Variants in EFNA5 observed in about 807,000 individuals in gnomAD.
EFNA5 encodes ephrin A5.
EFNA5 carries 5 observed loss-of-function variants against 22.9 expected under a neutral mutation model. The observed-to-expected ratio is 0.22, with a 90% CI of 0.11 to 0.46. EFNA5 has a LOEUF of 0.46. Among genes scored for constraint, EFNA5 ranks in the 20% least tolerant of loss-of-function variants. The probability of loss-of-function intolerance (pLI) is 0.99; values close to 1 mark genes in which losing one functional copy is unlikely to be tolerated. For missense variants in EFNA5, 237 were observed against 293.3 expected (o/e 0.81, Z 1.40); for synonymous variants, 113 against 112.2 (o/e 1.01, Z -0.04).
At chr5:107,609,915 T>A (rs965319252) in intron 1 of EFNA5, among the ~76,000 whole-genome samples, 2 of 152,174 alleles carry the variant, frequency 1.3e-5, no homozygotes, top group Non-Finnish European at 2.9e-5. Flanking sequence ...AGAGTCTGAA[T>A]CAGTGAAAAA....
intron 1 of EFNA5, among the ~76,000 whole-genome samples, chr5:107,643,691 G>C (rs965573690): frequency 1.3e-5 from 2 of 151,658 alleles, no homozygotes; most frequent in Admixed American, 1.3e-4. Context: ...GGGAGTGAAT[G>C]GGGGAGTGGG....
intron 2 of EFNA5, among the ~76,000 whole-genome samples, chr5:107,398,347 G>C (rs992505957): frequency 4.6e-5 from 7 of 152,034 alleles, no homozygotes; most frequent in Admixed American, 4.6e-4. Context: ...ATCTGTTTCT[G>C]TCTCCTTACT....
chr5:107,540,831 AT>A (rs1446985357), intron 1 of EFNA5, among the ~76,000 whole-genome samples: 1 of 152,232 alleles, frequency 6.6e-6, no homozygotes, highest in Non-Finnish European at 1.5e-5. Flanking sequence ...AAGAAAAAAA[AT>A]TAAGGCTGGG....
intron 1 of EFNA5, among the ~76,000 whole-genome samples, chr5:107,631,439 C>T (rs1156386247): frequency 6.6e-6 from 1 of 151,712 alleles, no homozygotes; most frequent in Non-Finnish European, 1.5e-5. Flanking sequence ...ACACAATATA[C>T]AAATTTTGCC....
intron 1 of EFNA5, among the ~76,000 whole-genome samples, chr5:107,570,640 A>AGT (rs1554067096): frequency 3.2e-5 from 4 of 126,560 alleles, no homozygotes; most frequent in African/African-American, 6.0e-5. Flanking sequence ...AAAATGAAAA[A>AGT]GTGTGTGTGT....
At chr5:107,619,636 T>C (rs1015199146) in intron 1 of EFNA5, among the ~76,000 whole-genome samples, 7 of 151,734 alleles carry the variant, frequency 4.6e-5, no homozygotes, top group African/African-American at 1.2e-4. Context: ...AATTTTTATA[T>C]ATTTTTTAGC....
At chr5:107,499,139 CAAAT>C (rs1383808866) in intron 1 of EFNA5, among the ~76,000 whole-genome samples, 1 of 151,794 alleles carries the variant, frequency 6.6e-6, no homozygotes. Context: ...TCGAAAGACA[CAAAT>C]ATATATAGGA....
intron 1 of EFNA5, among the ~76,000 whole-genome samples, chr5:107,598,726 G>A (rs1263739096): frequency 1.3e-5 from 2 of 151,944 alleles, no homozygotes; most frequent in East Asian, 3.9e-4. Context: ...TTTGCTCACG[G>A]CCAGTTATAT....
chr5:107,528,668 CACA>C (rs1561423075), intron 1 of EFNA5, among the ~76,000 whole-genome samples: 2 of 152,154 alleles, frequency 1.3e-5, no homozygotes, highest in Non-Finnish European at 2.9e-5. Flanking sequence ...TCTTCCTAAA[CACA>C]ACAACAAAAA....
Position 107,436,818 on chromosome 5 carries a change from G to A in EFNA5, c.126-9309C>T, listed in dbSNP as rs563829343. 7.3e-4 allele frequency among the ~76,000 whole-genome samples: 111 copies of A among 152,236 alleles called. 1 individual carries two copies. The highest frequency in any genetic ancestry group is 6.2e-4 in the South Asian group (3 of 4,820). Reference sequence around the variant, plus strand: ...CGTCAATCAAACAAATAAGCCACCTGTCAAACTGCTTACTTCCATGTAGCC... The same window carrying A: ...CGTCAATCAAACAAATAAGCCACCTATCAAACTGCTTACTTCCATGTAGCC... On this transcript the variant is annotated intron_variant, in intron 1 of 4. Coordinates refer to ENST00000333274, the MANE Select transcript of EFNA5 (RefSeq NM_001962.3).
chr5:107,537,330 C>T (rs768668635), intron 1 of EFNA5, among the ~76,000 whole-genome samples: 21 of 151,804 alleles, frequency 1.4e-4, no homozygotes, highest in Non-Finnish European at 2.5e-4. Flanking sequence ...CCTGCCTCTA[C>T]TAAAAATACA....
chr5:107,487,317 CTT>C (rs1746658378), intron 1 of EFNA5, among the ~76,000 whole-genome samples: 1 of 152,224 alleles, frequency 6.6e-6, no homozygotes, highest in African/African-American at 2.4e-5. Flanking sequence ...TCCCTCAGCA[CTT>C]TGTGCATTCT....
In EFNA5 at chr5:107,612,740, C is replaced by T. The variant is rs182167642; in HGVS notation, c.125+57749G>A. Among the ~76,000 whole-genome samples the T allele has an allele frequency of 7.2e-5, 11 of 152,166 alleles. No individual in the cohort carries two copies. In the East Asian group the frequency reaches 1.9e-3, roughly 27 times the overall value. ...ATAAAGACCAGGGTTGTGATATTCC[C>T]GTCAGTCACTGTATTAATACAGGGA... On this transcript the variant is annotated intron_variant, in intron 1 of 4. Transcript: ENST00000333274.
intron 1 of EFNA5, among the ~76,000 whole-genome samples, chr5:107,531,446 A>T (rs563440371): frequency 7.9e-5 from 12 of 152,224 alleles, no homozygotes; most frequent in Non-Finnish European, 1.3e-4. Context: ...GCCTAAAAAA[A>T]CTGGAGACAT....
intron 1 of EFNA5, among the ~76,000 whole-genome samples, chr5:107,533,100 C>T (rs754028148): frequency 6.6e-6 from 1 of 152,072 alleles, no homozygotes; most frequent in African/African-American, 2.4e-5. Flanking sequence ...ACTTTGCAGA[C>T]CTTTGGGGAC....
At chr5:107,498,067 C>T (rs1747031980) in intron 1 of EFNA5, among the ~76,000 whole-genome samples, 1 of 152,156 alleles carries the variant, frequency 6.6e-6, no homozygotes, top group Non-Finnish European at 1.5e-5. Context: ...AGACATGTGC[C>T]ATCATGCCCA....
chr5:107,492,196 G>A (rs945848553), intron 1 of EFNA5, among the ~76,000 whole-genome samples: 2 of 151,646 alleles, frequency 1.3e-5, no homozygotes, highest in East Asian at 3.9e-4. Context: ...CCTAAACCAT[G>A]TTTAAAAAAA....
chr5:107,568,169 T>C (rs1748700719), intron 1 of EFNA5, among the ~76,000 whole-genome samples: 1 of 152,136 alleles, frequency 6.6e-6, no homozygotes, highest in Admixed American at 6.5e-5. Flanking sequence ...AGTGCTGAGA[T>C]TACAAGTGTG....
intron 1 of EFNA5, among the ~76,000 whole-genome samples, chr5:107,606,017 G>A (rs987651013): frequency 4.6e-5 from 7 of 152,174 alleles, no homozygotes; most frequent in Non-Finnish European, 8.8e-5. Flanking sequence ...AAACAGAGAC[G>A]AGCAGTGGAC....
Sources: allele counts gnomAD v4.1 joint callset (sites outside exome capture counted in the v4.1 genomes callset), GRCh38; gene constraint gnomAD v4.1.1; transcripts MANE v1.5; gene names NCBI Gene and HGNC (gene_info 2026-07-23, HGNC 2026-07-21).